The following RNF130 variants were observed in gnomAD, a reference collection of about 807,000 sequenced individuals.
RNF130 encodes ring finger protein 130.
Under a neutral mutation model 44.6 loss-of-function variants are expected in RNF130, and 21 were observed. That is an observed-to-expected ratio of 0.47 (90% CI 0.33 to 0.68). The LOEUF (loss-of-function observed/expected upper bound fraction) is 0.68, where lower values mean the gene tolerates loss of function less well. RNF130 is among the 30% of genes least tolerant of loss of function. The pLI is 0.02. For missense variants in RNF130, 479 were observed against 560.6 expected (o/e 0.85, Z 1.47); for synonymous variants, 214 against 210.4 (o/e 1.02, Z -0.15).
downstream of RNF130, among the ~76,000 whole-genome samples, chr5:179,951,576 G>C (rs1762126916): frequency 6.6e-6 from 1 of 151,956 alleles, no homozygotes; most frequent in South Asian, 2.1e-4. Context: ...GTAGAGACGG[G>C]GTTTCACCGT....
intron 3 of RNF130, among the ~76,000 whole-genome samples, chr5:179,999,242 A>C (rs1260094875): frequency 6.6e-6 from 1 of 150,928 alleles, no homozygotes; most frequent in Non-Finnish European, 1.5e-5. Context: ...GGCTGGTCTC[A>C]AACTCCTGGC....
chr5:179,994,376 CT>C (rs1434293243), intron 3 of RNF130, among the ~76,000 whole-genome samples: 1 of 152,180 alleles, frequency 6.6e-6, no homozygotes, highest in African/African-American at 2.4e-5. Flanking sequence ...TTTGTGTCCT[CT>C]TTTATTTCGT....
chr5:179,913,838 G>A (rs1301688756), exon 8 of RNF130: 1 of 152,250 alleles, frequency 6.6e-6, no homozygotes, highest in Non-Finnish European at 1.5e-5. Flanking sequence ...TGAGACACAG[G>A]GCCAGCCAGT....
chr5:179,938,935 G>C (rs1459950285), intron 7 of RNF130, among the ~76,000 whole-genome samples: 1 of 152,132 alleles, frequency 6.6e-6, no homozygotes, highest in South Asian at 2.1e-4. Flanking sequence ...AGGATCAAAA[G>C]TGCATACACA....
At chr5:179,976,772 T>G (rs554812000) in intron 5 of RNF130, 2 of 152,188 alleles carry the variant, frequency 1.3e-5, no homozygotes, top group Admixed American at 6.5e-5. Context: ...AGTAGCCTCA[T>G]GGAGATAACA....
chr5:179,939,168 G>C (rs548695973), intron 7 of RNF130, among the ~76,000 whole-genome samples: 28 of 152,196 alleles, frequency 1.8e-4, no homozygotes, highest in African/African-American at 6.7e-4. Context: ...AGTGAGCTGA[G>C]GTCGCGCCAC....
At position 179,955,560 on chromosome 5, in the gene RNF130, A is replaced by T. The variant is rs1762193575; in HGVS notation, c.*94T>A. 1 of 1,028,572 alleles carries T rather than the reference A, an allele frequency of 9.7e-7. No individual in the cohort carries two copies. The highest frequency in any genetic ancestry group is 2.3e-5 in the Admixed American group (1 of 43,368). The allele number at this position is 1,028,572 out of a possible 1,614,324, so 63.7% of individuals were successfully genotyped here. On this transcript the variant is annotated 3_prime_UTR_variant, in exon 9 of 9. Transcript: ENST00000521389. The stretch of plus-strand genomic sequence containing the variant: ...TGAAAAAATAAAATGTACTAAAAAT[A>T]AATGCTTGTGTGGCATGATTGGTAA...
At chr5:180,018,303 AAAAAAG>A (rs1203638044) in intron 2 of RNF130, among the ~76,000 whole-genome samples, 5 of 151,896 alleles carry the variant, frequency 3.3e-5, no homozygotes, top group South Asian at 2.1e-4. Flanking sequence ...TCAAAAAAAA[AAAAAAG>A]AAAAGAAAAG....
At chr5:180,052,526 G>A (rs1374424841) in intron 1 of RNF130, among the ~76,000 whole-genome samples, 7 of 152,218 alleles carry the variant, frequency 4.6e-5, no homozygotes, top group Admixed American at 4.6e-4. Flanking sequence ...GTGGGAGCAA[G>A]CTTGTTTTAT....
chr5:180,014,344 G>A (rs1763666396), intron 2 of RNF130, among the ~76,000 whole-genome samples: 2 of 152,142 alleles, frequency 1.3e-5, no homozygotes, highest in East Asian at 1.9e-4. Flanking sequence ...ATCTATCAGC[G>A]ATTGTCCTTT....
chr5:179,934,652 T>G (rs556037313), intron 7 of RNF130, among the ~76,000 whole-genome samples: 1 of 151,334 alleles, frequency 6.6e-6, no homozygotes, highest in African/African-American at 2.4e-5. Context: ...CAAGTGATCC[T>G]GCTGCCTCAG....
At chr5:180,013,529 A>T (rs1177206741) in intron 2 of RNF130, among the ~76,000 whole-genome samples, 2 of 152,194 alleles carry the variant, frequency 1.3e-5, no homozygotes, top group Non-Finnish European at 2.9e-5. Context: ...AACAGACATA[A>T]GGCATAGAAC....
rs545932394 is a variant in RNF130, at chr5:180,032,615, C to A, written c.442+7838G>T. On this transcript the variant is annotated intron_variant, in intron 2 of 8. Coordinates refer to ENST00000521389, the MANE Select transcript of RNF130 (RefSeq NM_018434.6). ...GACTGTCCTTCCCTCACTGAATGATCGTGGCACTTTTGTTGAAAATCAATT... is the reference window on the plus strand; with the variant it reads ...GACTGTCCTTCCCTCACTGAATGATAGTGGCACTTTTGTTGAAAATCAATT... Among the ~76,000 whole-genome samples the A allele has an allele frequency of 2.6e-5, 4 of 152,240 alleles. No homozygotes were observed. The East Asian group carries it at 7.7e-4, about 29-fold the overall frequency.
chr5:179,963,679 T>C (rs1762379779), intron 7 of RNF130, 115 bp from the exon 8 acceptor site: 2 of 756,028 alleles, frequency 2.6e-6, no homozygotes, highest in Non-Finnish European at 4.6e-6. Context: ...TAAGCCAAGA[T>C]TGGCCCAAGG....
chr5:179,920,795 A>ATATTT lies in RNF130; in HGVS notation c.1151-370_1151-369insAAATA, dbSNP rs1554099383. 2.1e-3 allele frequency among the ~76,000 whole-genome samples: 305 copies of ATATTT among 143,416 alleles called. 1 individual carries two copies. Among genetic ancestry groups the ATATTT allele is most frequent in the African/African-American group, 7.6e-3 (288 of 37,834 alleles). 94.1% of individuals were successfully genotyped at this position (143,416 alleles called of 152,430 possible). ...CATATATATTTATATATATATATAT[A>ATATTT]TTTTTTTTTTTGAGATGGAGTTTTG... On this transcript the variant is annotated intron_variant, in intron 7 of 7. Coordinates refer to the RNF130 transcript ENST00000522208.
intron 2 of RNF130, among the ~76,000 whole-genome samples, 187 bp from the exon 3 acceptor site, chr5:180,013,498 T>C (rs1305036483): frequency 1.3e-5 from 2 of 152,186 alleles, no homozygotes; most frequent in African/African-American, 4.8e-5. Flanking sequence ...ATGTAATTTG[T>C]TGTGTGGTAC....
At chr5:180,014,687 G>A (rs140198965) in intron 2 of RNF130, among the ~76,000 whole-genome samples, 1 of 152,322 alleles carries the variant, frequency 6.6e-6, no homozygotes, top group Non-Finnish European at 1.5e-5. Context: ...ACACGCAACT[G>A]AAAAGAAATT....
At chr5:180,044,559 C>T (rs922210687) in intron 1 of RNF130, among the ~76,000 whole-genome samples, 3 of 152,056 alleles carry the variant, frequency 2.0e-5, no homozygotes, top group East Asian at 1.9e-4. Flanking sequence ...CATGGCCGGG[C>T]GCGGTGGCTC....
chr5:180,061,527 G>A (rs1376035026), intron 1 of RNF130, among the ~76,000 whole-genome samples: 1 of 152,162 alleles, frequency 6.6e-6, no homozygotes, highest in Non-Finnish European at 1.5e-5. Flanking sequence ...GGAGGCTCAA[G>A]GGAAAAACCA....
Sources: allele counts gnomAD v4.1 joint callset (sites outside exome capture counted in the v4.1 genomes callset), GRCh38; gene constraint gnomAD v4.1.1; transcripts MANE v1.5; gene names NCBI Gene and HGNC (gene_info 2026-07-23, HGNC 2026-07-21).